The following BCAP29 variants were observed in gnomAD, a reference collection of about 807,000 sequenced individuals.
BCAP29 encodes B-cell receptor-associated protein 29.
In BCAP29, 34 loss-of-function variants were observed where a neutral mutation model predicts 31.8. That is an observed-to-expected ratio of 1.07 (90% CI 0.81 to 1.42). The LOEUF is 1.42. Ranked by LOEUF, BCAP29 falls within the 40% of genes most tolerant of loss-of-function variation. BCAP29 has a pLI of 0.00. For synonymous variants in BCAP29, 104 were observed against 91.3 expected (o/e 1.14, Z -0.79); for missense variants, 314 against 269.2 (o/e 1.17, Z -1.16).
chr7:107,583,772 G>T, intron 2 of BCAP29, 110 bp from the exon 3 acceptor site: 1 of 484,916 alleles, frequency 2.1e-6, no homozygotes, highest in Non-Finnish European at 3.6e-6. Context: ...TTAAATTTCT[G>T]TAATTTTCAC....
intron 2 of BCAP29, 112 bp from the exon 3 acceptor site, chr7:107,583,770 C>A: frequency 2.1e-6 from 1 of 475,232 alleles, no homozygotes; most frequent in Non-Finnish European, 3.7e-6. Flanking sequence ...AATTAAATTT[C>A]TGTAATTTTC....
At chr7:107,588,018 C>T (rs1030699692) in intron 3 of BCAP29, 1 of 152,032 alleles carries the variant, frequency 6.6e-6, no homozygotes, top group African/African-American at 2.4e-5. Flanking sequence ...ATATATAACA[C>T]AGAGAAAAAT....
At position 107,585,381 on chromosome 7, in the gene BCAP29, T is replaced by A. The variant is rs1392343944; in HGVS notation, c.193+1399T>A. ...TGTGCCTCTTTTCAAGATGTAAATATTTGTCTCATGGTACATTATTAATGT... is the reference window on the plus strand; with the variant it reads ...TGTGCCTCTTTTCAAGATGTAAATAATTGTCTCATGGTACATTATTAATGT... On this transcript the variant is annotated intron_variant, in intron 3 of 7. Coordinates refer to ENST00000005259, the MANE Select transcript of BCAP29 (RefSeq NM_018844.4). Among the ~76,000 whole-genome samples the A allele has an allele frequency of 2.0e-5, 3 of 152,192 alleles. No individual in the cohort carries two copies. In the South Asian group the frequency reaches 6.2e-4, roughly 32 times the overall value.
chr7:107,580,530 G>A (rs1049993057), intron 1 of BCAP29: 8 of 446,438 alleles, frequency 1.8e-5, no homozygotes, highest in Non-Finnish European at 2.7e-5. Context: ...TGGCGGAAAA[G>A]GCAGTGGCCA....
At chr7:107,606,020 A>G (rs1812022231) in intron 6 of BCAP29, among the ~76,000 whole-genome samples, 1 of 152,234 alleles carries the variant, frequency 6.6e-6, no homozygotes, top group African/African-American at 2.4e-5. Context: ...TTTTTATTGT[A>G]AAAAGAATTT....
chr7:107,584,256 G>C (rs1807222818), intron 3 of BCAP29, among the ~76,000 whole-genome samples: 1 of 152,168 alleles, frequency 6.6e-6, no homozygotes, highest in Non-Finnish European at 1.5e-5. Flanking sequence ...TTGCTGTTCA[G>C]AGTTACCAGA....
intron 3 of BCAP29, among the ~76,000 whole-genome samples, chr7:107,590,376 C>T (rs1360189798): frequency 6.6e-6 from 1 of 152,094 alleles, no homozygotes; most frequent in African/African-American, 2.4e-5. Context: ...AGATTGGAAA[C>T]AAGGCAAGGA....
intron 3 of BCAP29, among the ~76,000 whole-genome samples, chr7:107,588,710 T>C (rs764010341): frequency 6.6e-6 from 1 of 152,120 alleles, no homozygotes; most frequent in African/African-American, 2.4e-5. Flanking sequence ...AAAAAGACAG[T>C]CTTAACTGAC....
intron 6 of BCAP29, among the ~76,000 whole-genome samples, chr7:107,602,595 C>T (rs1181525438): frequency 6.6e-6 from 1 of 151,440 alleles, no homozygotes; most frequent in Non-Finnish European, 1.5e-5. Context: ...GGGTGTTTTC[C>T]ATATGAATTT....
Position 107,600,378 on chromosome 7 carries a change from G to A in BCAP29, c.481-19G>A, listed in dbSNP as rs1442144909. 7 of 1,446,720 alleles carry A rather than the reference G, an allele frequency of 4.8e-6. No homozygotes were observed. The highest frequency in any genetic ancestry group is 6.8e-6 in the Non-Finnish European group (7 of 1,031,144). 89.6% of individuals were successfully genotyped at this position (1,446,720 alleles called of 1,614,324 possible). Reference sequence around the variant, plus strand: ...TTGCAATCTAAGCTTATTTCTTCCTGTATCTCCTTTTGCAATAGATTTTGA... The same window carrying A: ...TTGCAATCTAAGCTTATTTCTTCCTATATCTCCTTTTGCAATAGATTTTGA... On this transcript the variant is annotated intron_variant, in intron 5 of 7. Transcript: ENST00000005259.
At position 107,594,074 on chromosome 7, in the gene BCAP29, T is replaced by C. The variant is rs754020854; in HGVS notation, c.313T>C (p.Tyr105His). The C allele has an allele frequency of 1.3e-5, 21 of 1,612,408 alleles. No homozygotes were observed. The highest frequency in any genetic ancestry group is 1.8e-5 in the Non-Finnish European group (21 of 1,179,112). ...MKLFRSQRNLYISGFSLFFWL... is the reference protein window; with the variant it reads ...MKLFRSQRNLHISGFSLFFWL... The stretch of plus-strand genomic sequence containing the variant: ...ACTTTTTAGGTCTCAAAGAAATCTT[T>C]ACATTTCTGGATTTTCCCTATTTTT... Residue 105 changes from tyrosine to histidine, a missense_variant, in exon 4 of 8, where the codon TAC becomes CAC. Coordinates refer to ENST00000005259, the MANE Select transcript of BCAP29 (RefSeq NM_018844.4).
Position 107,612,391 on chromosome 7 carries a change from TTATATA to T in BCAP29, c.590-897_590-892del, listed in dbSNP as rs36213596. On this transcript the variant is annotated intron_variant, in intron 6 of 7. Transcript: ENST00000005259. ...AGCACCTTCTTCACAATGTATTGTT[TTATATA>T]TATATATATATATATATATATATAT... is the stretch of plus-strand genomic sequence containing the variant. Among the ~76,000 whole-genome samples the T allele has an allele frequency of 9.5e-3, 292 of 30,804 alleles. 2 individuals carry two copies. Among genetic ancestry groups the T allele is most frequent in the Admixed American group, 0.013 (31 of 2,462 alleles). The allele number at this position is 30,804 out of a possible 152,430, so 20.2% of individuals were successfully genotyped here.
At chr7:107,621,240 T>A (rs1439291004), downstream of BCAP29, 2 of 162,948 alleles carry the variant, frequency 1.2e-5, no homozygotes, top group East Asian at 3.5e-4. Flanking sequence ...TTGACTTTAA[T>A]GTCTGGGATG....
chr7:107,595,161 C>G (rs1252480298), intron 4 of BCAP29, among the ~76,000 whole-genome samples: 1 of 152,146 alleles, frequency 6.6e-6, no homozygotes, highest in Non-Finnish European at 1.5e-5. Flanking sequence ...TTTCTCAAAG[C>G]CTTCTGTGGC....
In BCAP29 at chr7:107,600,453, A is replaced by C. The variant is rs374387001; in HGVS notation, c.537A>C (p.Lys179Asn). 1.9e-6 allele frequency: 3 copies of C among 1,611,466 alleles called. No individual in the cohort carries two copies. The highest frequency in any genetic ancestry group is 2.7e-5 in the African/African-American group (2 of 74,876). The stretch of plus-strand genomic sequence containing the variant: ...GTGTTTTGGAAGCAGAAAATAAAAA[A>C]CTAGTAGAAGACCAGGAGAAACTGA... ...EECVLEAENK[K>N]LVEDQEKLKT... Residue 179 changes from lysine to asparagine, a missense_variant, in exon 6 of 8, where the codon AAA becomes AAC. Physicochemically the swap from Lys to Asn is moderately conservative, Grantham distance 94. Transcript: ENST00000005259.
chr7:107,601,290 C>T (rs547968931), intron 6 of BCAP29, among the ~76,000 whole-genome samples: 1 of 152,172 alleles, frequency 6.6e-6, no homozygotes, highest in South Asian at 2.1e-4. Context: ...ACTGAGAAAC[C>T]TCACTTTCAG....
chr7:107,581,711 TTC>T (rs1462434311), intron 2 of BCAP29, among the ~76,000 whole-genome samples: 1 of 152,168 alleles, frequency 6.6e-6, no homozygotes, highest in Non-Finnish European at 1.5e-5. Context: ...TGGGAGAAAC[TTC>T]TTAAAGTTTC....
chr7:107,610,013 A>C (rs928361419), intron 6 of BCAP29, among the ~76,000 whole-genome samples: 1 of 152,222 alleles, frequency 6.6e-6, no homozygotes, highest in African/African-American at 2.4e-5. Flanking sequence ...TCGAAATCAC[A>C]GTGATACAAT....
chr7:107,613,314 C>G lies in BCAP29; in HGVS notation c.590-18C>G. 6.5e-7 allele frequency: 1 copy of G among 1,541,058 alleles called. No homozygotes were observed. Among genetic ancestry groups the G allele is most frequent in the Non-Finnish European group, 8.9e-7 (1 of 1,123,584 alleles). On this transcript the variant is annotated intron_variant, in intron 6 of 7. Coordinates refer to ENST00000005259, the MANE Select transcript of BCAP29 (RefSeq NM_018844.4). ...AAATTATTCTGAAATAAAAATAAAA[C>G]TATTCGATATTTTCTAGCCCTTTCT...
Sources: gnomAD v4.1 joint callset for allele counts (sites outside exome capture counted in the v4.1 genomes callset) on GRCh38, gnomAD v4.1.1 for gene constraint, MANE v1.5 for transcripts, NCBI Gene and HGNC (gene_info 2026-07-23, HGNC 2026-07-21) for gene names.